Variants in PPEF1 observed in about 807,000 individuals in gnomAD.
The protein encoded by PPEF1 is serine/threonine-protein phosphatase with EF-hands 1.
PPEF1 carries 12 observed loss-of-function variants against 53.3 expected under a neutral mutation model. The ratio of observed to expected loss-of-function variants is 0.23; its 90% CI spans 0.14 to 0.36. The LOEUF (loss-of-function observed/expected upper bound fraction) is 0.36. Among genes scored for constraint, PPEF1 ranks in the 10% least tolerant of loss-of-function variants. The pLI is 1.00. For missense variants in PPEF1, 334 were observed against 490.4 expected (o/e 0.68, Z 3.01); for synonymous variants, 165 against 176.7 (o/e 0.93, Z 0.52).
intron 4 of PPEF1, chrX:18,691,698 C>G (rs1929393999): frequency 8.9e-6 from 1 of 112,063 alleles, no homozygotes; most frequent in African/African-American, 3.2e-5. Context: ...AACGTAAGCA[C>G]ATACAAGATA....
At chrX:18,817,247 A>G (rs751322863) in intron 12 of PPEF1, among the ~76,000 whole-genome samples, 149 of 111,507 alleles carry the variant, frequency 1.3e-3, no homozygotes, top group Non-Finnish European at 2.6e-3. Context: ...GTTGTTAGCT[A>G]ACTATCCTAG....
chrX:18,728,385 C>A (rs753339619), intron 1 of PPEF1, among the ~76,000 whole-genome samples: 73 of 110,462 alleles, frequency 6.6e-4, no homozygotes, highest in Middle Eastern at 4.6e-3. Flanking sequence ...AAAGAATGAG[C>A]GCCAAGTGAA....
rs72334387 is a variant in PPEF1 at position 18,817,068 on chromosome X, A to ATGTGTGTGTG, written c.1395-943_1395-934dup. Among the ~76,000 whole-genome samples, 62 of 100,113 alleles carry ATGTGTGTGTG rather than the reference A, an allele frequency of 6.2e-4. 1 individual carries two copies. Among genetic ancestry groups the ATGTGTGTGTG allele is most frequent in the African/African-American group, 2.0e-3 (56 of 27,379 alleles). 86.9% of individuals were successfully genotyped at this position (100,113 alleles called of 115,157 possible). A position where few individuals can be genotyped will look rare whatever the true frequency, so the allele number is the denominator to read the frequency against. On this transcript the variant is annotated intron_variant, in intron 12 of 15. Coordinates refer to ENST00000470157, the MANE Select transcript of PPEF1 (RefSeq NM_001377996.1). ...CTGGATTTACATCTATCATTTTGCC[A>ATGTGTGTGTG]TGTGTGTGTGTGTGTGTGTGTGTGT...
intron 1 of PPEF1, among the ~76,000 whole-genome samples, chrX:18,683,479 C>T (rs1257977170): frequency 8.9e-6 from 1 of 111,896 alleles, no homozygotes; most frequent in African/African-American, 3.3e-5. Flanking sequence ...CTCGTATTAA[C>T]TCATTGAATC....
At chrX:18,736,056 C>A (rs2044971525) in intron 3 of PPEF1, among the ~76,000 whole-genome samples, 1 of 111,710 alleles carries the variant, frequency 9.0e-6, no homozygotes, top group Admixed American at 9.5e-5. Context: ...TCTAAATATA[C>A]AATCATGTCG....
intron 5 of PPEF1, 26 bp downstream of exon 5, chrX:18,757,767 A>G: frequency 9.0e-7 from 1 of 1,113,265 alleles, no homozygotes; most frequent in Non-Finnish European, 1.2e-6. Context: ...GAGTTGTCCA[A>G]TTAATATTTA....
At chrX:18,770,462 A>C (rs1335170396) in intron 6 of PPEF1, among the ~76,000 whole-genome samples, 1 of 111,745 alleles carries the variant, frequency 8.9e-6, no homozygotes, top group Non-Finnish European at 1.9e-5. Context: ...AATCACTTTC[A>C]GAGATAGTGA....
At chrX:18,811,621 T>A (rs927664288) in intron 12 of PPEF1, among the ~76,000 whole-genome samples, 18 of 29,403 alleles carry the variant, frequency 6.1e-4, no homozygotes, top group African/African-American at 1.9e-3. Context: ...ATATATTTTT[T>A]TTTTTTTTTT....
chrX:18,675,110 C>T (rs1229042658), upstream of PPEF1, among the ~76,000 whole-genome samples: 6 of 112,868 alleles, frequency 5.3e-5, no homozygotes, highest in Non-Finnish European at 9.4e-5. Flanking sequence ...CTTCGAGTCT[C>T]GGGCTCCGGC....
rs192426788 is a variant in PPEF1, at chrX:18,808,857, A to C, written c.1394+2312A>C. ...TAGAAAACGGTATAGAAGTTCCTCAAAACATTAAAAATAGAAGTACCATAT... is the reference window on the plus strand; with the variant it reads ...TAGAAAACGGTATAGAAGTTCCTCACAACATTAAAAATAGAAGTACCATAT... On this transcript the variant is annotated intron_variant, in intron 12 of 15. Transcript: ENST00000470157. Among the ~76,000 whole-genome samples, 161 of 111,338 alleles carry C rather than the reference A, an allele frequency of 1.4e-3. 1 individual carries two copies. Among genetic ancestry groups the C allele is most frequent in the African/African-American group, 5.1e-3 (156 of 30,745 alleles).
At chrX:18,807,005 T>G (rs906324824) in intron 12 of PPEF1, among the ~76,000 whole-genome samples, 26 of 48,433 alleles carry the variant, frequency 5.4e-4, no homozygotes, top group African/African-American at 1.7e-3. Context: ...TTTTTTTTGG[T>G]TTTTTTTTTG....
At chrX:18,685,204 G>A (rs1929023412) in intron 2 of PPEF1, among the ~76,000 whole-genome samples, 1 of 112,302 alleles carries the variant, frequency 8.9e-6, no homozygotes, top group African/African-American at 3.2e-5. Flanking sequence ...TGTGGTGCAG[G>A]TGTTAAACTC....
intron 3 of PPEF1, among the ~76,000 whole-genome samples, chrX:18,743,757 C>T (rs2147435778): frequency 9.1e-6 from 1 of 109,401 alleles, no homozygotes; most frequent in African/African-American, 3.3e-5. Context: ...CCAAGTTGCT[C>T]ACCTTTTTGT....
intron 10 of PPEF1, among the ~76,000 whole-genome samples, chrX:18,802,314 C>T (rs2046563913): frequency 9.0e-6 from 1 of 111,135 alleles, no homozygotes; most frequent in African/African-American, 3.3e-5. Context: ...CCAAGCATTC[C>T]TCCTGACTCA....
chrX:18,720,386 G>A lies in PPEF1; in HGVS notation c.47-9795G>A, dbSNP rs777443802. On this transcript the variant is annotated intron_variant, in intron 1 of 15. Coordinates refer to ENST00000470157, the MANE Select transcript of PPEF1 (RefSeq NM_001377996.1). ...GCGGGCAGATCACCTGAGGGCAGGAGTTCAAGACCAGCCTGGCCAACGTGA... is the reference window on the plus strand; with the variant it reads ...GCGGGCAGATCACCTGAGGGCAGGAATTCAAGACCAGCCTGGCCAACGTGA... Among the ~76,000 whole-genome samples the A allele has an allele frequency of 6.3e-5, 7 of 111,718 alleles. No individual in the cohort carries two copies. The South Asian group carries it at 2.6e-3, about 42-fold the overall frequency.
intron 4 of PPEF1, among the ~76,000 whole-genome samples, chrX:18,693,935 C>T (rs1468342318): frequency 2.7e-5 from 3 of 111,512 alleles, no homozygotes; most frequent in African/African-American, 9.8e-5. Context: ...ATAGAACATG[C>T]CCCCCAAAAC....
chrX:18,675,281 G>A (rs1455511423), upstream of PPEF1, among the ~76,000 whole-genome samples: 1 of 113,600 alleles, frequency 8.8e-6, no homozygotes, highest in Non-Finnish European at 1.9e-5. Flanking sequence ...AGTGCACCCT[G>A]CTCGGGCTTT....
rs994643755 is a variant in PPEF1, at chrX:18,690,214, A to T, written c.-425-768A>T. Among the ~76,000 whole-genome samples the T allele has an allele frequency of 6.3e-5, 7 of 111,517 alleles. No homozygotes were observed. In the Admixed American group the frequency reaches 6.7e-4, roughly 11 times the overall value. On this transcript the variant is annotated intron_variant, in intron 3 of 21. Coordinates refer to the PPEF1 transcript ENST00000361511. Reference sequence around the variant, plus strand: ...CAACAAATATTTATTTAATGAATATATGAATGAAACCAAGCCAGGAATAAG... The same window carrying T: ...CAACAAATATTTATTTAATGAATATTTGAATGAAACCAAGCCAGGAATAAG...
At chrX:18,819,560 G>A (rs778857337) in intron 13 of PPEF1, among the ~76,000 whole-genome samples, 47 of 110,998 alleles carry the variant, frequency 4.2e-4, no homozygotes, top group African/African-American at 1.5e-3. Context: ...CAGCCATGGT[G>A]GCAGGCACCT....
Sources: allele counts gnomAD v4.1 joint callset (sites outside exome capture counted in the v4.1 genomes callset), GRCh38; gene constraint gnomAD v4.1.1; transcripts MANE v1.5; gene names NCBI Gene and HGNC (gene_info 2026-07-23, HGNC 2026-07-21).